Variants in SNX18 observed in about 807,000 individuals in gnomAD.
SNX18 encodes sorting nexin 18, also known as sorting nexin-18.
SNX18 carries 35 observed loss-of-function variants against 48.7 expected under a neutral mutation model. That is an observed-to-expected ratio of 0.72 (90% CI 0.55 to 0.95). The LOEUF (loss-of-function observed/expected upper bound fraction) is 0.95, where lower values mean the gene tolerates loss of function less well. Ranked by LOEUF, SNX18 falls within the 40% of genes least tolerant of loss-of-function variation. The probability of loss-of-function intolerance (pLI) is 0.00; values close to 1 mark genes in which losing one functional copy is unlikely to be tolerated. For synonymous variants in SNX18, 492 were observed against 384.7 expected (o/e 1.28, Z -3.26); for missense variants, 824 against 871.0 (o/e 0.95, Z 0.68).
rs1208955423 is a variant in SNX18 at position 54,544,259 on chromosome 5, G to A, written c.*827G>A. 6.6e-6 allele frequency: 1 copy of A among 152,136 alleles called. No homozygotes were observed. The highest frequency in any genetic ancestry group is 1.9e-4 in the East Asian group (1 of 5,190). The allele number at this position is 152,136 out of a possible 1,614,324, so 9.4% of individuals were successfully genotyped here. A position where few individuals can be genotyped will look rare whatever the true frequency, so the allele number is the denominator to read the frequency against. On this transcript the variant is annotated 3_prime_UTR_variant, in exon 2 of 2. Transcript: ENST00000381410. ...TTGGCGTGAAGATTTCAGCAAACAT[G>A]TCTTACAACATGAGGAGGAGGAGTC...
the SNX18 span, among the ~76,000 whole-genome samples, chr5:54,622,516 A>C: frequency 6.6e-6 from 1 of 151,308 alleles, no homozygotes; most frequent in Non-Finnish European, 1.5e-5. Flanking sequence ...AAAAAAAGCA[A>C]CTAGCCCTTT....
In SNX18 at chr5:54,546,271, G is replaced by A. The variant is rs946872449; in HGVS notation, c.*2839G>A. On this transcript the variant is annotated 3_prime_UTR_variant, in exon 2 of 2. Transcript: ENST00000381410. Reference sequence around the variant, plus strand: ...TCTCATAATTAAGGACTTGAAAAATGTTTTAGTCTGTCAAGTATGTAAAGT... The same window carrying A: ...TCTCATAATTAAGGACTTGAAAAATATTTTAGTCTGTCAAGTATGTAAAGT... The A allele has an allele frequency of 2.6e-5, 4 of 152,156 alleles. No homozygotes were observed. The highest frequency in any genetic ancestry group is 2.1e-4 in the South Asian group (1 of 4,830). 9.4% of individuals were successfully genotyped at this position (152,156 alleles called of 1,614,324 possible).
At chr5:54,525,406 TC>T (rs935657842) in intron 1 of SNX18, among the ~76,000 whole-genome samples, 1 of 151,510 alleles carries the variant, frequency 6.6e-6, no homozygotes, top group Non-Finnish European at 1.5e-5. Flanking sequence ...AAGGGCGCTC[TC>T]CTTTGAAGGA....
the SNX18 span, among the ~76,000 whole-genome samples, chr5:54,591,169 GT>G: frequency 0.93 from 139,737 of 150,634 alleles, 64,975 homozygotes; most frequent in South Asian, 0.97. Context: ...TGTTTTTTGG[GT>G]TTTTTTTTTG....
chr5:54,606,562 C>T, the SNX18 span, among the ~76,000 whole-genome samples: 1 of 152,190 alleles, frequency 6.6e-6, no homozygotes, highest in Non-Finnish European at 1.5e-5. Context: ...TCTTGCTCTT[C>T]GTCCCACCCC....
chr5:54,560,255 A>G, the SNX18 span, among the ~76,000 whole-genome samples: 1 of 152,246 alleles, frequency 6.6e-6, no homozygotes, highest in African/African-American at 2.4e-5. Context: ...GACTGGATAA[A>G]GAAAATGTTG....
chr5:54,580,715 G>A, the SNX18 span, among the ~76,000 whole-genome samples: 35 of 152,248 alleles, frequency 2.3e-4, no homozygotes, highest in African/African-American at 8.2e-4. Flanking sequence ...AACCTATATA[G>A]TAAGTACCCA....
chr5:54,593,174 A>G, the SNX18 span, among the ~76,000 whole-genome samples: 1 of 152,230 alleles, frequency 6.6e-6, no homozygotes, highest in Non-Finnish European at 1.5e-5. Context: ...GAATATAGGT[A>G]AGTGAAAGTT....
chr5:54,519,412 T>G lies in SNX18; in HGVS notation c.1460T>G (p.Val487Gly). ...AFELDQQAFS[V>G]GLNQAIAFTG... is the part of the protein sequence containing the mutation. ...GAGCTGGACCAGCAGGCCTTCTCGGTGGGCCTGAACCAGGCTATCGCCTTC... is the reference window on the plus strand; with the variant it reads ...GAGCTGGACCAGCAGGCCTTCTCGGGGGGCCTGAACCAGGCTATCGCCTTC... Residue 487 changes from valine to glycine, a missense_variant, in exon 1 of 2, where the codon GTG (valine) becomes GGG (glycine). Coordinates refer to ENST00000381410, the MANE Select transcript of SNX18 (RefSeq NM_001102575.2). 1 of 1,613,682 alleles carries G rather than the reference T, an allele frequency of 6.2e-7. No homozygotes were observed. The highest frequency in any genetic ancestry group is 8.5e-7 in the Non-Finnish European group (1 of 1,179,952).
the SNX18 span, among the ~76,000 whole-genome samples, chr5:54,562,212 AG>A: frequency 6.6e-6 from 1 of 152,196 alleles, no homozygotes. Flanking sequence ...GGACACCAAG[AG>A]GAGGTGACTT....
At chr5:54,646,619 C>G in the SNX18 span, among the ~76,000 whole-genome samples, 1 of 152,100 alleles carries the variant, frequency 6.6e-6, no homozygotes, top group Non-Finnish European at 1.5e-5. Flanking sequence ...TCAACAAGGC[C>G]TCCCTCATAT....
At chr5:54,529,358 C>T (rs903776333) in intron 1 of SNX18, among the ~76,000 whole-genome samples, 3 of 152,068 alleles carry the variant, frequency 2.0e-5, no homozygotes, top group African/African-American at 7.2e-5. Flanking sequence ...CCAGATTCAC[C>T]CAGGCGCCTG....
In SNX18 at chr5:54,517,909, T is replaced by C. The variant is rs1475672790; in HGVS notation, c.-44T>C. 3 of 1,468,418 alleles carry C rather than the reference T, an allele frequency of 2.0e-6. No individual in the cohort carries two copies. Among genetic ancestry groups the C allele is most frequent in the Non-Finnish European group, 2.7e-6 (3 of 1,116,282 alleles). The allele number at this position is 1,468,418 out of a possible 1,614,324, so 91.0% of individuals were successfully genotyped here. ...GCGGGCCCCTCAGGTGGGCCTCGGC[T>C]CGGGACGCCGGGAGTCGGGACCGCC... On this transcript the variant is annotated 5_prime_UTR_variant, in exon 1 of 2. Coordinates refer to ENST00000381410, the MANE Select transcript of SNX18 (RefSeq NM_001102575.2).
chr5:54,615,480 C>T, the SNX18 span, among the ~76,000 whole-genome samples: 10 of 152,202 alleles, frequency 6.6e-5, no homozygotes, highest in African/African-American at 2.2e-4. Context: ...TACCCTTGCC[C>T]CCTCACTTCC....
Position 54,518,043 on chromosome 5 carries a change from A to G in SNX18, c.91A>G (p.Ser31Gly), listed in dbSNP as rs1390491895. 8 of 1,547,746 alleles carry G rather than the reference A, an allele frequency of 5.2e-6. No homozygotes were observed. The highest frequency in any genetic ancestry group is 1.9e-5 in the Admixed American group (1 of 52,038). ...LREHEVLSLCSEQDIEGWLEG... is the reference protein window; with the variant it reads ...LREHEVLSLCGEQDIEGWLEG... ...AGAGCACGAGGTGCTGAGCCTGTGC[A>G]GCGAGCAGGACATCGAGGGCTGGCT... The change falls in exon 1 of 2, where the codon AGC (serine) becomes GGC (glycine). Residue 31 changes from serine (S) to glycine (G), a missense_variant. Ser to Gly is a moderately conservative substitution (Grantham distance 56, BLOSUM62 0). Transcript: ENST00000381410.
chr5:54,571,109 T>C, the SNX18 span, among the ~76,000 whole-genome samples: 3 of 152,036 alleles, frequency 2.0e-5, no homozygotes, highest in Non-Finnish European at 4.4e-5. Flanking sequence ...GATTTCTGGA[T>C]TGGAGGAGGC....
At chr5:54,566,842 A>G in the SNX18 span, among the ~76,000 whole-genome samples, 1 of 152,232 alleles carries the variant, frequency 6.6e-6, no homozygotes, top group African/African-American at 2.4e-5. Context: ...GTTGGTGGAC[A>G]GCTATGCTTC....
chr5:54,520,734 G>C (rs1409890164), intron 1 of SNX18: 1 of 167,110 alleles, frequency 6.0e-6, no homozygotes, highest in Non-Finnish European at 1.5e-5. Flanking sequence ...CAGCAGTCTC[G>C]CTTCCTTCCT....
intron 1 of SNX18, 40 bp from the exon 2 acceptor site, chr5:54,543,139 G>A: frequency 6.3e-7 from 1 of 1,583,496 alleles, no homozygotes; most frequent in Non-Finnish European, 8.6e-7. Flanking sequence ...GGGATATGTG[G>A]ATATATAGGT....
Sources: gnomAD v4.1 joint callset for allele counts (sites outside exome capture counted in the v4.1 genomes callset) on GRCh38, gnomAD v4.1.1 for gene constraint, MANE v1.5 for transcripts, NCBI Gene and HGNC (gene_info 2026-07-23, HGNC 2026-07-21) for gene names.